The following PKNOX2 variants were observed in gnomAD, a reference collection of about 807,000 sequenced individuals.
PKNOX2 encodes homeobox protein PKNOX2.
A neutral mutation model predicts 53.1 loss-of-function variants in PKNOX2; 14 were observed. That is an observed-to-expected ratio of 0.26 (90% CI 0.17 to 0.41). The LOEUF (loss-of-function observed/expected upper bound fraction) is 0.41, where lower values mean the gene tolerates loss of function less well. Ranked by LOEUF, PKNOX2 falls within the 10% of genes least tolerant of loss-of-function variation. The probability of loss-of-function intolerance (pLI) is 1.00; values close to 1 mark genes in which losing one functional copy is unlikely to be tolerated. For missense variants in PKNOX2, 496 were observed against 602.8 expected, an observed-to-expected ratio of 0.82 and a Z score of 1.85; for synonymous variants, 257 against 242.8, an observed-to-expected ratio of 1.06 and a Z score of -0.54.
chr11:125,300,895 CAG>C (rs2135956399), intron 2 of PKNOX2, among the ~76,000 whole-genome samples: 1 of 152,264 alleles, frequency 6.6e-6, no homozygotes, highest in Admixed American at 6.5e-5. Context: ...TTAGATGACT[CAG>C]AGGATGGATG....
At chr11:125,316,475 A>G (rs1949200232) in intron 2 of PKNOX2, among the ~76,000 whole-genome samples, 1 of 152,204 alleles carries the variant, frequency 6.6e-6, no homozygotes, top group Admixed American at 6.5e-5. Context: ...TCGGTTCCTG[A>G]GGATGATCAT....
Position 125,196,679 on chromosome 11 carries a change from C to A in PKNOX2, c.-201+31903C>A, listed in dbSNP as rs563837751. Among the ~76,000 whole-genome samples the A allele has an allele frequency of 6.6e-5, 10 of 152,226 alleles. No individual in the cohort carries two copies. In the South Asian group the frequency reaches 1.9e-3, roughly 28 times the overall value. On this transcript the variant is annotated intron_variant, in intron 1 of 12. Coordinates refer to ENST00000298282, the MANE Select transcript of PKNOX2 (RefSeq NM_001382323.2). ...TGGCCTTGGGCAAGCTGCCTCACCT[C>A]TCTGGCCCTGAATTTCCTCATCATT...
At chr11:125,226,643 CTCT>C (rs1941720984) in intron 1 of PKNOX2, among the ~76,000 whole-genome samples, 1 of 152,056 alleles carries the variant, frequency 6.6e-6, no homozygotes, top group Non-Finnish European at 1.5e-5. Context: ...TCCTATTCCC[CTCT>C]TCTTTTAGAT....
At chr11:125,192,453 C>T (rs780762453) in intron 1 of PKNOX2, among the ~76,000 whole-genome samples, 14 of 152,268 alleles carry the variant, frequency 9.2e-5, no homozygotes, top group South Asian at 4.2e-4. Flanking sequence ...GTCCTGCTGG[C>T]GGGAATTCAT....
At chr11:125,178,626 GAAAGAAAGAAAGAAA>G (rs1565462387) in intron 1 of PKNOX2, among the ~76,000 whole-genome samples, 68 of 79,456 alleles carry the variant, frequency 8.6e-4, no homozygotes, top group African/African-American at 4.5e-3. Flanking sequence ...AAGAAAGAAA[GAAAGAAAGAAAGAAA>G]GAAAGAAGGA....
chr11:125,309,563 T>C (rs1948679887), intron 2 of PKNOX2, among the ~76,000 whole-genome samples: 1 of 151,996 alleles, frequency 6.6e-6, no homozygotes. Flanking sequence ...ATTTTTGCAT[T>C]TTTTAGTAGA....
intron 10 of PKNOX2, among the ~76,000 whole-genome samples, chr11:125,418,030 T>C (rs753638976): frequency 6.6e-6 from 1 of 152,046 alleles, no homozygotes; most frequent in Non-Finnish European, 1.5e-5. Flanking sequence ...ATTTACCGTT[T>C]TAAACTGTGG....
chr11:125,380,441 C>T (rs12281638), intron 5 of PKNOX2, among the ~76,000 whole-genome samples: 10 of 151,856 alleles, frequency 6.6e-5, no homozygotes, highest in Non-Finnish European at 1.3e-4. Context: ...GAGAGAAGAG[C>T]GAAGAAGGGG....
At chr11:125,395,988 C>G (rs1192240439) in intron 6 of PKNOX2, among the ~76,000 whole-genome samples, 2 of 146,144 alleles carry the variant, frequency 1.4e-5, no homozygotes, top group Non-Finnish European at 3.0e-5. Context: ...GAGTTGCGCT[C>G]TGTCGCCCAA....
chr11:125,372,651 C>A (rs529329018), intron 5 of PKNOX2, among the ~76,000 whole-genome samples: 1 of 152,370 alleles, frequency 6.6e-6, no homozygotes, highest in East Asian at 1.9e-4. Flanking sequence ...CTCCAAACTT[C>A]TCCATCTTTT....
intron 2 of PKNOX2, among the ~76,000 whole-genome samples, chr11:125,268,649 T>C (rs375770461): frequency 6.6e-6 from 1 of 152,198 alleles, no homozygotes; most frequent in African/African-American, 2.4e-5. Flanking sequence ...GCTGGTCTGG[T>C]TGGCCTTAGA....
intron 2 of PKNOX2, among the ~76,000 whole-genome samples, chr11:125,328,545 A>G (rs1248519890): frequency 2.0e-5 from 3 of 152,132 alleles, no homozygotes; most frequent in Non-Finnish European, 4.4e-5. Context: ...AAAGCTACCA[A>G]AGAACAGATC....
intron 5 of PKNOX2, among the ~76,000 whole-genome samples, chr11:125,384,752 AC>A (rs1395712940): frequency 6.6e-6 from 1 of 151,434 alleles, no homozygotes; most frequent in Non-Finnish European, 1.5e-5. Flanking sequence ...ATGTCATAGA[AC>A]CCCCCGCCCC....
chr11:125,233,315 A>G (rs1942389721), intron 1 of PKNOX2, among the ~76,000 whole-genome samples: 3 of 152,236 alleles, frequency 2.0e-5, no homozygotes. Flanking sequence ...TAGAGCATAC[A>G]GCTCCATGTA....
intron 6 of PKNOX2, among the ~76,000 whole-genome samples, chr11:125,389,923 C>T (rs190494235): frequency 1.3e-3 from 195 of 152,278 alleles, no homozygotes; most frequent in African/African-American, 4.5e-3. Context: ...GGCCCCTGGG[C>T]CCACTCTGAA....
rs535238685 is a variant in PKNOX2, at chr11:125,411,730, T to C, written c.817-16T>C. ...ACAGGCTGCTGATGCTGATTTTCTC[T>C]CCACGTGCCCTGAAGGTTAACCTTG... On this transcript the variant is annotated splice_polypyrimidine_tract_variant and intron_variant, in intron 9 of 12. Transcript: ENST00000298282. 23 of 1,613,894 alleles carry C rather than the reference T, an allele frequency of 1.4e-5. No homozygotes were observed. In the East Asian group the frequency reaches 4.5e-4, roughly 31 times the overall value.
intron 4 of PKNOX2, among the ~76,000 whole-genome samples, chr11:125,356,590 C>T (rs970348368): frequency 6.6e-6 from 1 of 152,200 alleles, no homozygotes; most frequent in Admixed American, 6.5e-5. Context: ...GGACATGGCA[C>T]TCAGAGATCT....
At chr11:125,204,769 G>A (rs994391306) in intron 1 of PKNOX2, among the ~76,000 whole-genome samples, 3 of 151,910 alleles carry the variant, frequency 2.0e-5, no homozygotes, top group Admixed American at 6.6e-5. Flanking sequence ...CTTTTCTCCC[G>A]CTGTGATCCT....
chr11:125,206,276 A>G (rs1006035608), intron 1 of PKNOX2, among the ~76,000 whole-genome samples: 12 of 152,044 alleles, frequency 7.9e-5, no homozygotes, highest in Non-Finnish European at 1.2e-4. Flanking sequence ...GATGCTGTTC[A>G]GGAGGTTGGC....
Sources: gnomAD v4.1 joint callset for allele counts (sites outside exome capture counted in the v4.1 genomes callset) on GRCh38, gnomAD v4.1.1 for gene constraint, MANE v1.5 for transcripts, NCBI Gene and HGNC (gene_info 2026-07-23, HGNC 2026-07-21) for gene names.